The following PPM1H variants were observed in gnomAD, a reference collection of about 807,000 sequenced individuals.
PPM1H encodes protein phosphatase, Mg2+/Mn2+ dependent 1H.
Under a neutral mutation model 54.9 loss-of-function variants are expected in PPM1H, and 27 were observed. The ratio of observed to expected loss-of-function variants is 0.49; its 90% CI spans 0.36 to 0.68. The LOEUF (loss-of-function observed/expected upper bound fraction) is 0.68. PPM1H is among the 30% of genes least tolerant of loss of function. The pLI, the probability that PPM1H is intolerant of heterozygous loss-of-function variation, is 0.00. For synonymous variants in PPM1H, 305 were observed against 270.8 expected, an observed-to-expected ratio of 1.13 and a Z score of -1.24; for missense variants, 596 against 667.8, an observed-to-expected ratio of 0.89 and a Z score of 1.19.
intron 4 of PPM1H, chr12:62,755,494 G>T: frequency 3.0e-6 from 2 of 672,752 alleles, no homozygotes; most frequent in South Asian, 3.1e-5. Context: ...GGGCAATGCT[G>T]GTGCTGAGTA....
At chr12:62,888,679 A>G (rs1016110990) in intron 1 of PPM1H, among the ~76,000 whole-genome samples, 1 of 152,218 alleles carries the variant, frequency 6.6e-6, no homozygotes, top group African/African-American at 2.4e-5. Flanking sequence ...GACATTATAA[A>G]AAACAGTTTC....
intron 7 of PPM1H, among the ~76,000 whole-genome samples, chr12:62,691,509 G>T (rs1397856100): frequency 6.6e-6 from 1 of 152,090 alleles, no homozygotes; most frequent in Non-Finnish European, 1.5e-5. Flanking sequence ...CTTTTTGAGG[G>T]CAAGGGTCAG....
intron 4 of PPM1H, among the ~76,000 whole-genome samples, chr12:62,776,204 C>T (rs1051825194): frequency 1.3e-5 from 2 of 152,100 alleles, no homozygotes; most frequent in African/African-American, 4.8e-5. Context: ...GGGACACAGC[C>T]AAATCATATC....
Position 62,645,962 on chromosome 12 carries a change from A to AAAAT in PPM1H, c.*2523_*2526dup, listed in dbSNP as rs2075782362. 6.6e-6 allele frequency: 1 copy of AAAAT among 152,212 alleles called. No homozygotes were observed. The highest frequency in any genetic ancestry group is 2.4e-5 in the African/African-American group (1 of 41,452). The allele number at this position is 152,212 out of a possible 1,614,324, so 9.4% of individuals were successfully genotyped here. ...CTGGGTGACATGGGGCCTGGGTAAA[A>AAAAT]AAATAAGGCCAAAACTGAGTAAGCT... is the stretch of plus-strand genomic sequence containing the variant. On this transcript the variant is annotated 3_prime_UTR_variant, in exon 10 of 10. Coordinates refer to ENST00000228705, the MANE Select transcript of PPM1H (RefSeq NM_020700.2).
intron 4 of PPM1H, among the ~76,000 whole-genome samples, chr12:62,753,320 G>A (rs1482017251): frequency 2.0e-5 from 3 of 152,262 alleles, no homozygotes; most frequent in Middle Eastern, 3.4e-3. Context: ...AACAGGGGAC[G>A]ACCAAATGAA....
intron 3 of PPM1H, among the ~76,000 whole-genome samples, chr12:62,794,847 T>C (rs2076722998): frequency 1.3e-5 from 2 of 152,148 alleles, no homozygotes; most frequent in Admixed American, 6.5e-5. Flanking sequence ...ATAAATATAA[T>C]AGGTGACAAA....
Position 62,802,016 on chromosome 12 carries a change from C to T in PPM1H, c.556G>A (p.Val186Ile), listed in dbSNP as rs767893394. 14 of 1,613,484 alleles carry T rather than the reference C, an allele frequency of 8.7e-6. 1 individual carries two copies. The South Asian group carries it at 9.9e-5, about 11-fold the overall frequency. The change falls in exon 3 of 10, where the codon GTC (valine) becomes ATC (isoleucine). Residue 186 changes from valine to isoleucine, a missense_variant. Coordinates refer to ENST00000228705, the MANE Select transcript of PPM1H (RefSeq NM_020700.2). ...TCCCCCAGGCAGGTAGGGGGCAGGA[C>T]GGCGGAGTTCTTCAGGATGTCCACG... Reference protein sequence around the residue: ...DIVDILKNSAVLPPTCLGEEP... With the variant: ...DIVDILKNSAILPPTCLGEEP...
chr12:62,881,925 A>G (rs184405207), intron 1 of PPM1H, among the ~76,000 whole-genome samples: 305 of 152,288 alleles, frequency 2.0e-3, no homozygotes, highest in Non-Finnish European at 3.7e-3. Flanking sequence ...TATGATGGAC[A>G]TGTTCTAGAT....
Position 62,846,296 on chromosome 12 carries a change from C to T in PPM1H, c.246-14017G>A, listed in dbSNP as rs189988252. ...GGCGGATCATCTGAGGTAAGGAGTT[C>T]GAGACCAGCCTAGCCAACATGGCAA... is the stretch of plus-strand genomic sequence containing the variant. On this transcript the variant is annotated intron_variant, in intron 1 of 9. Transcript: ENST00000228705. 2.5e-3 allele frequency among the ~76,000 whole-genome samples: 382 copies of T among 152,084 alleles called. 1 individual carries two copies. The highest frequency in any genetic ancestry group is 8.8e-3 in the African/African-American group (363 of 41,480).
At chr12:62,689,627 T>C (rs1157995632) in intron 8 of PPM1H, 72 bp downstream of exon 8, 1 of 1,091,210 alleles carries the variant, frequency 9.2e-7, no homozygotes, top group African/African-American at 1.6e-5. Flanking sequence ...GGATATGGGG[T>C]GTGAGTCACA....
At chr12:62,927,486 C>A (rs983625203) in intron 1 of PPM1H, among the ~76,000 whole-genome samples, 1 of 151,586 alleles carries the variant, frequency 6.6e-6, no homozygotes, top group Non-Finnish European at 1.5e-5. Context: ...ATGAGGAAAC[C>A]TCATCTCTAC....
At chr12:62,784,615 C>T (rs535874348) in intron 4 of PPM1H, among the ~76,000 whole-genome samples, 11 of 152,226 alleles carry the variant, frequency 7.2e-5, no homozygotes, top group Non-Finnish European at 1.2e-4. Flanking sequence ...GAACCTTCTG[C>T]GGCTCTAAGC....
At chr12:62,686,985 T>C (rs2076056533) in intron 8 of PPM1H, among the ~76,000 whole-genome samples, 1 of 152,098 alleles carries the variant, frequency 6.6e-6, no homozygotes, top group African/African-American at 2.4e-5. Context: ...AAGGGACAAA[T>C]ACACAGGCTG....
At chr12:62,715,103 G>A (rs746555937) in intron 6 of PPM1H, among the ~76,000 whole-genome samples, 1 of 152,228 alleles carries the variant, frequency 6.6e-6, no homozygotes, top group African/African-American at 2.4e-5. Context: ...AGCGAGCTGT[G>A]AGAAACTGCT....
chr12:62,808,200 G>T lies in PPM1H; in HGVS notation c.412-6040C>A, dbSNP rs188095922. On this transcript the variant is annotated intron_variant, in intron 2 of 9. Coordinates refer to ENST00000228705, the MANE Select transcript of PPM1H (RefSeq NM_020700.2). ...CTAAATGCTTTACAAATATGAACTC[G>T]TTTAATCCTTACTCCACTCCTCTGT... Among the ~76,000 whole-genome samples the T allele has an allele frequency of 8.4e-4, 128 of 152,210 alleles. 1 individual carries two copies. The highest frequency in any genetic ancestry group is 2.9e-3 in the African/African-American group (120 of 41,534).
Position 62,884,166 on chromosome 12 carries a change from T to A in PPM1H, c.245+50326A>T, listed in dbSNP as rs530471964. Among the ~76,000 whole-genome samples, 22 of 152,168 alleles carry A rather than the reference T, an allele frequency of 1.4e-4. No individual in the cohort carries two copies. In the East Asian group the frequency reaches 3.1e-3, roughly 21 times the overall value. On this transcript the variant is annotated intron_variant, in intron 1 of 9. Coordinates refer to ENST00000228705, the MANE Select transcript of PPM1H (RefSeq NM_020700.2). ...GATGAAATCTCTTACAGATACTGAA[T>A]TTGTACTAGTTGATTGCTTATCACG...
chr12:62,803,796 G>T (rs527243971), intron 2 of PPM1H, among the ~76,000 whole-genome samples: 11 of 152,262 alleles, frequency 7.2e-5, no homozygotes, highest in African/African-American at 2.6e-4. Flanking sequence ...CCCTTGCAAA[G>T]CATGTGTGTG....
rs982388067 is a variant in PPM1H, at chr12:62,658,662, C to T, written c.1397+8516G>A. ...TGTGCAGCCCAACCTCCATTACCTG[C>T]AGCAACCCCACTCCAGGATGTTAGC... On this transcript the variant is annotated intron_variant, in intron 9 of 9. Coordinates refer to ENST00000228705, the MANE Select transcript of PPM1H (RefSeq NM_020700.2). Among the ~76,000 whole-genome samples, 17 of 152,158 alleles carry T rather than the reference C, an allele frequency of 1.1e-4. 1 individual carries two copies. The highest frequency in any genetic ancestry group is 1.5e-5 in the Non-Finnish European group (1 of 68,022).
At chr12:62,893,639 G>A (rs770394912) in intron 1 of PPM1H, among the ~76,000 whole-genome samples, 4 of 151,796 alleles carry the variant, frequency 2.6e-5, no homozygotes, top group Admixed American at 6.6e-5. Flanking sequence ...GTGTGTGCGG[G>A]GGGGAGGGGG....
Sources: allele counts gnomAD v4.1 joint callset (sites outside exome capture counted in the v4.1 genomes callset), GRCh38; gene constraint gnomAD v4.1.1; transcripts MANE v1.5; gene names NCBI Gene and HGNC (gene_info 2026-07-23, HGNC 2026-07-21).